CREB5: variants seen among roughly 807,000 people sequenced by gnomAD.
The protein encoded by CREB5 is cAMP responsive element binding protein 5, also known as cyclic AMP-responsive element-binding protein 5.
In CREB5, 19 loss-of-function variants were observed where a neutral mutation model predicts 57.1. The observed-to-expected ratio is 0.33, with a 90% CI of 0.23 to 0.49. The LOEUF is 0.49. Ranked by LOEUF, CREB5 falls within the 20% of genes least tolerant of loss-of-function variation. The pLI is 0.99. For synonymous variants in CREB5, 238 were observed against 238.3 expected (o/e 1.00, Z 0.01); for missense variants, 579 against 671.6 (o/e 0.86, Z 1.52).
chr7:28,722,456 T>G (rs550612714), intron 6 of CREB5, among the ~76,000 whole-genome samples: 4 of 152,212 alleles, frequency 2.6e-5, no homozygotes, highest in Admixed American at 1.3e-4. Flanking sequence ...TGAATTTTTT[T>G]AGAGCAATGA....
chr7:28,427,731 C>T (rs174027), intron 1 of CREB5, among the ~76,000 whole-genome samples: 90,074 of 151,886 alleles, frequency 0.59, 27,699 homozygotes, highest in East Asian at 0.96. Context: ...AGACTTCGCT[C>T]TCCTCTTGCA....
intron 1 of CREB5, among the ~76,000 whole-genome samples, chr7:28,332,719 T>G (rs1785739760): frequency 6.6e-6 from 1 of 152,234 alleles, no homozygotes; most frequent in Non-Finnish European, 1.5e-5. Flanking sequence ...TAATAACATG[T>G]ACATTTTTCT....
intron 7 of CREB5, among the ~76,000 whole-genome samples, chr7:28,731,988 C>G (rs1803662142): frequency 6.6e-6 from 1 of 152,124 alleles, no homozygotes; most frequent in African/African-American, 2.4e-5. Context: ...ACCCAAATCC[C>G]CATGTTTTCT....
At chr7:28,757,998 G>A (rs1805433466) in intron 7 of CREB5, among the ~76,000 whole-genome samples, 1 of 152,186 alleles carries the variant, frequency 6.6e-6, no homozygotes, top group Non-Finnish European at 1.5e-5. Context: ...CAATGGTAGT[G>A]CTATTGTAAC....
chr7:28,799,119 C>T (rs963390684), intron 7 of CREB5, among the ~76,000 whole-genome samples: 3 of 152,154 alleles, frequency 2.0e-5, no homozygotes, highest in South Asian at 4.1e-4. Context: ...CACACTGTTT[C>T]GAAATGACAT....
At chr7:28,719,377 C>G (rs575022091) in intron 6 of CREB5, among the ~76,000 whole-genome samples, 1 of 152,320 alleles carries the variant, frequency 6.6e-6, no homozygotes, top group South Asian at 2.1e-4. Context: ...GTATGCTAGT[C>G]GCATTCCAAG....
chr7:28,580,359 A>G (rs1428079961), intron 5 of CREB5, among the ~76,000 whole-genome samples: 2 of 148,026 alleles, frequency 1.4e-5, no homozygotes, highest in Admixed American at 6.7e-5. Context: ...TAAAAGGAAA[A>G]TGAGGGGTGT....
At chr7:28,530,355 G>A (rs1040046044) in intron 4 of CREB5, among the ~76,000 whole-genome samples, 1 of 152,188 alleles carries the variant, frequency 6.6e-6, no homozygotes, top group Non-Finnish European at 1.5e-5. Context: ...CTGAGACCTA[G>A]GAAGGGGCCG....
At chr7:28,452,077 A>C (rs1789847115) in intron 1 of CREB5, among the ~76,000 whole-genome samples, 1 of 152,122 alleles carries the variant, frequency 6.6e-6, no homozygotes, top group Admixed American at 6.5e-5. Context: ...TCAGTGCTGC[A>C]CCAGCCCATC....
chr7:28,641,930 G>C (rs1218677559), intron 5 of CREB5, among the ~76,000 whole-genome samples: 1 of 152,198 alleles, frequency 6.6e-6, no homozygotes, highest in South Asian at 2.1e-4. Context: ...AGGCACGTGT[G>C]TGCACGTGTG....
chr7:28,628,692 G>C (rs1360230150), intron 5 of CREB5, among the ~76,000 whole-genome samples: 1 of 152,180 alleles, frequency 6.6e-6, no homozygotes, highest in Non-Finnish European at 1.5e-5. Context: ...CAAGGTGCTA[G>C]AGACAATATG....
In CREB5 at chr7:28,819,469, C is replaced by A; in HGVS notation, c.*190C>A. On this transcript the variant is annotated 3_prime_UTR_variant, in exon 11 of 11. Coordinates refer to ENST00000357727, the MANE Select transcript of CREB5 (RefSeq NM_182898.4). ...TTATATAAGAAAAAAGGGAGTTATGCAATTAATATCTATCAGCTTGGGAAA... is the reference window on the plus strand; with the variant it reads ...TTATATAAGAAAAAAGGGAGTTATGAAATTAATATCTATCAGCTTGGGAAA... 1.8e-6 allele frequency: 1 copy of A among 556,712 alleles called. No individual in the cohort carries two copies. Among genetic ancestry groups the A allele is most frequent in the Non-Finnish European group, 3.0e-6 (1 of 333,812 alleles). The allele number at this position is 556,712 out of a possible 1,614,324, so 34.5% of individuals were successfully genotyped here.
Position 28,599,151 on chromosome 7 carries a change from T to C in CREB5, c.464+28614T>C, listed in dbSNP as rs182186495. Among the ~76,000 whole-genome samples, 533 of 152,274 alleles carry C rather than the reference T, an allele frequency of 3.5e-3. 2 individuals are homozygous for C. The highest frequency in any genetic ancestry group is 0.012 in the African/African-American group (506 of 41,548). ...TTTGATCTGTAGGATGTGATTGAAG[T>C]TCCAGCTTTGAACTAAATTATTATA... is the stretch of plus-strand genomic sequence containing the variant. On this transcript the variant is annotated intron_variant, in intron 5 of 10. Coordinates refer to ENST00000357727, the MANE Select transcript of CREB5 (RefSeq NM_182898.4).
upstream of CREB5, chr7:28,410,059 A>G: frequency 2.4e-6 from 1 of 422,216 alleles, no homozygotes; most frequent in Non-Finnish European, 4.7e-6. Flanking sequence ...CGGGTCACCT[A>G]GGGGGCGGGT....
In CREB5 at chr7:28,366,885, T is replaced by A. The variant is rs112781988; in HGVS notation, c.-25+67444T>A. 8.6e-4 allele frequency among the ~76,000 whole-genome samples: 131 copies of A among 152,334 alleles called. 2 individuals are homozygous for A. The highest frequency in any genetic ancestry group is 3.1e-3 in the African/African-American group (127 of 41,582). The stretch of plus-strand genomic sequence containing the variant: ...GCAATATAGTAAGATTTGGGACAGA[T>A]GCAAGTTGTAGAGGGGTAATCATGA... On this transcript the variant is annotated intron_variant, in intron 1 of 9. Coordinates refer to the CREB5 transcript ENST00000396299.
intron 1 of CREB5, among the ~76,000 whole-genome samples, chr7:28,300,373 G>T (rs1785079715): frequency 6.6e-6 from 1 of 152,300 alleles, no homozygotes; most frequent in Middle Eastern, 3.4e-3. Context: ...GGTGAAAAAT[G>T]AAAATTTCAG....
At chr7:28,564,783 G>A (rs916574080) in intron 4 of CREB5, among the ~76,000 whole-genome samples, 4 of 152,186 alleles carry the variant, frequency 2.6e-5, no homozygotes, top group African/African-American at 7.2e-5. Context: ...ATGATCCCTT[G>A]GGGTTTGGCA....
At chr7:28,491,312 G>C in intron 2 of CREB5, 1 of 948,210 alleles carries the variant, frequency 1.1e-6, no homozygotes, top group African/African-American at 1.8e-5. Flanking sequence ...AAAGGGTGTA[G>C]ACAAACCTGG....
At chr7:28,544,120 T>C (rs1562786578) in intron 4 of CREB5, among the ~76,000 whole-genome samples, 2 of 152,092 alleles carry the variant, frequency 1.3e-5, no homozygotes, top group Non-Finnish European at 2.9e-5. Flanking sequence ...CATTTATTGT[T>C]GTCCCATAGA....
Sources: gnomAD v4.1 joint callset for allele counts (sites outside exome capture counted in the v4.1 genomes callset) on GRCh38, gnomAD v4.1.1 for gene constraint, MANE v1.5 for transcripts, NCBI Gene and HGNC (gene_info 2026-07-23, HGNC 2026-07-21) for gene names.